NALF1: variants seen among roughly 807,000 people sequenced by gnomAD.
NALF1 encodes the protein NALCN channel auxiliary factor 1, also known as family with sequence similarity 155 member A.
A neutral mutation model predicts 48.4 loss-of-function variants in NALF1; 3 were observed. The ratio of observed to expected loss-of-function variants is 0.06; its 90% CI spans 0.03 to 0.16. The LOEUF is 0.16. NALF1 is among the 10% of genes least tolerant of loss of function. NALF1 has a pLI of 1.00. For missense variants in NALF1, 526 were observed against 571.5 expected (o/e 0.92, Z 0.81); for synonymous variants, 262 against 245.7 (o/e 1.07, Z -0.62).
chr13:107,819,752 ACTCT>A (rs138204663), intron 1 of NALF1, among the ~76,000 whole-genome samples: 8 of 143,046 alleles, frequency 5.6e-5, no homozygotes, highest in South Asian at 4.5e-4. Context: ...CTCTCTGGAA[ACTCT>A]CTCTCTTTCA....
intron 1 of NALF1, among the ~76,000 whole-genome samples, chr13:107,567,835 A>G (rs1877859634): frequency 6.6e-6 from 1 of 152,184 alleles, no homozygotes; most frequent in Non-Finnish European, 1.5e-5. Flanking sequence ...CATCTCTGTG[A>G]TTATGTTAGT....
intron 1 of NALF1, among the ~76,000 whole-genome samples, chr13:107,783,625 C>T (rs1289908647): frequency 3.3e-5 from 5 of 151,966 alleles, no homozygotes; most frequent in Admixed American, 1.3e-4. Context: ...GGATTAAGGG[C>T]GGTGCAAGAT....
chr13:107,662,242 C>T (rs910442235), intron 1 of NALF1, among the ~76,000 whole-genome samples: 1 of 152,186 alleles, frequency 6.6e-6, no homozygotes, highest in Non-Finnish European at 1.5e-5. Flanking sequence ...CATGATTGTG[C>T]TAGAGGTCCC....
At chr13:107,694,575 TAA>T in intron 1 of NALF1, among the ~76,000 whole-genome samples, 1 of 152,210 alleles carries the variant, frequency 6.6e-6, no homozygotes, top group Non-Finnish European at 1.5e-5. Context: ...TAGGTACTGT[TAA>T]ATCACTGACA....
intron 1 of NALF1, among the ~76,000 whole-genome samples, chr13:107,637,383 C>A (rs1211664154): frequency 3.9e-5 from 6 of 151,992 alleles, no homozygotes; most frequent in Non-Finnish European, 5.9e-5. Context: ...CAAACCATAA[C>A]CAAACCACAA....
At chr13:107,333,141 C>T (rs555117401) in intron 1 of NALF1, among the ~76,000 whole-genome samples, 5 of 152,194 alleles carry the variant, frequency 3.3e-5, no homozygotes, top group South Asian at 2.1e-4. Flanking sequence ...CCACTGTGCC[C>T]GGCCTACATC....
intron 2 of NALF1, among the ~76,000 whole-genome samples, chr13:107,190,062 A>G (rs192787952): frequency 8.5e-4 from 129 of 152,286 alleles, no homozygotes; most frequent in African/African-American, 3.0e-3. Flanking sequence ...GTGAAATGGC[A>G]CTGAGGGGTC....
intron 1 of NALF1, among the ~76,000 whole-genome samples, chr13:107,273,276 A>C (rs1469732754): frequency 6.6e-6 from 1 of 152,110 alleles, no homozygotes; most frequent in Non-Finnish European, 1.5e-5. Flanking sequence ...ATTTCTCCAC[A>C]CTGTGTATTC....
At chr13:107,764,150 TA>T (rs1770862230) in intron 1 of NALF1, among the ~76,000 whole-genome samples, 1 of 152,062 alleles carries the variant, frequency 6.6e-6, no homozygotes, top group Non-Finnish European at 1.5e-5. Context: ...GAAGAGGAAA[TA>T]AAAAGGCAAC....
rs372405115 is a variant in NALF1 at position 107,396,384 on chromosome 13, G to A, written c.916-185629C>T. On this transcript the variant is annotated intron_variant, in intron 1 of 2. Transcript: ENST00000375915. ...GCGCCACATCCAGTTCTGTAGAAGT[G>A]CAAGAGAGAACATTCAGGGAAGTGC... is the stretch of plus-strand genomic sequence containing the variant. Among the ~76,000 whole-genome samples, 15 of 152,278 alleles carry A rather than the reference G, an allele frequency of 9.9e-5. No homozygotes were observed. The South Asian group carries it at 2.1e-3, about 21-fold the overall frequency.
intron 1 of NALF1, among the ~76,000 whole-genome samples, chr13:107,262,957 C>A (rs570025928): frequency 6.6e-6 from 1 of 152,012 alleles, no homozygotes; most frequent in Non-Finnish European, 1.5e-5. Flanking sequence ...AGACTCGTTG[C>A]GTGTATAGGA....
At chr13:107,832,499 G>A (rs924409193) in intron 1 of NALF1, among the ~76,000 whole-genome samples, 2 of 152,006 alleles carry the variant, frequency 1.3e-5, no homozygotes, top group African/African-American at 4.8e-5. Context: ...GATCCCACAA[G>A]CACCTCAAAT....
chr13:107,564,761 T>C (rs189764353), intron 1 of NALF1, among the ~76,000 whole-genome samples: 6 of 152,250 alleles, frequency 3.9e-5, no homozygotes, highest in Admixed American at 3.9e-4. Flanking sequence ...AGAGTGTTGG[T>C]GGCAATAGGA....
chr13:107,308,199 C>CTTTTTT (rs772161115), intron 1 of NALF1, among the ~76,000 whole-genome samples: 17 of 98,176 alleles, frequency 1.7e-4, no homozygotes, highest in Non-Finnish European at 2.3e-4. Context: ...TGTGTCTATG[C>CTTTTTT]TTTTTTTTTT....
chr13:107,391,100 A>G (rs1303179177), intron 1 of NALF1, among the ~76,000 whole-genome samples: 1 of 152,120 alleles, frequency 6.6e-6, no homozygotes, highest in East Asian at 1.9e-4. Context: ...ATGTCATTGG[A>G]AAGCAATCCT....
rs115347058 is a variant in NALF1 at position 107,621,805 on chromosome 13, A to T, written c.915+243877T>A. 7.5e-3 allele frequency among the ~76,000 whole-genome samples: 1,149 copies of T among 152,280 alleles called. 16 individuals are homozygous for T. Among genetic ancestry groups the T allele is most frequent in the African/African-American group, 0.026 (1,090 of 41,546 alleles). On this transcript the variant is annotated intron_variant, in intron 1 of 2. Transcript: ENST00000375915. Reference sequence around the variant, plus strand: ...GAGGAGGCTGTGGCCTTCTGATCACAGCTGAGGCCGGAATTCAATCCCTGG... The same window carrying T: ...GAGGAGGCTGTGGCCTTCTGATCACTGCTGAGGCCGGAATTCAATCCCTGG...
At chr13:107,708,695 C>CAA (rs886363703) in intron 1 of NALF1, among the ~76,000 whole-genome samples, 25 of 139,650 alleles carry the variant, frequency 1.8e-4, no homozygotes, top group Admixed American at 1.3e-3. Context: ...CACCAACCAA[C>CAA]TACTTTATAC....
intron 2 of NALF1, among the ~76,000 whole-genome samples, chr13:107,194,559 T>A (rs139299511): frequency 1.5e-4 from 23 of 152,250 alleles, no homozygotes; most frequent in Admixed American, 3.9e-4. Flanking sequence ...TCTCACCTTA[T>A]ACAAAAATCA....
chr13:107,172,728 G>C (rs981566981), intron 2 of NALF1, among the ~76,000 whole-genome samples: 2 of 151,918 alleles, frequency 1.3e-5, no homozygotes, highest in Non-Finnish European at 2.9e-5. Context: ...ACAACAAAAG[G>C]AGTTTACAAT....
Sources: gnomAD v4.1 joint callset for allele counts (sites outside exome capture counted in the v4.1 genomes callset) on GRCh38, gnomAD v4.1.1 for gene constraint, MANE v1.5 for transcripts, NCBI Gene and HGNC (gene_info 2026-07-23, HGNC 2026-07-21) for gene names.